The following TOX variants were observed in gnomAD, a reference collection of about 807,000 sequenced individuals.
TOX encodes thymocyte selection associated high mobility group box.
TOX carries 11 observed loss-of-function variants against 53.7 expected under a neutral mutation model. That is an observed-to-expected ratio of 0.20 (90% CI 0.13 to 0.34). TOX has a LOEUF of 0.34. TOX is among the 10% of genes least tolerant of loss of function. The pLI is 1.00. For missense variants in TOX, 570 were observed against 664.6 expected, an observed-to-expected ratio of 0.86 and a Z score of 1.56; for synonymous variants, 225 against 245.3, an observed-to-expected ratio of 0.92 and a Z score of 0.77.
At chr8:59,075,220 A>C (rs567418877) in intron 1 of TOX, among the ~76,000 whole-genome samples, 1 of 152,292 alleles carries the variant, frequency 6.6e-6, no homozygotes, top group East Asian at 1.9e-4. Context: ...GTCGGCCTGA[A>C]AACATCTGTG....
At chr8:59,042,897 C>G (rs988973782) in intron 1 of TOX, among the ~76,000 whole-genome samples, 1 of 151,866 alleles carries the variant, frequency 6.6e-6, no homozygotes, top group African/African-American at 2.4e-5. Context: ...AATGACTGAT[C>G]AAGTTGATCA....
rs199962273 is a variant in TOX, at chr8:58,998,601, T to TTATATATAATAAATTTA, written c.103-38594_103-38593insTAAATTTATTATATATA. 2.1e-4 allele frequency among the ~76,000 whole-genome samples: 20 copies of TTATATATAATAAATTTA among 95,304 alleles called. No homozygotes were observed. The South Asian group carries it at 3.0e-3, about 14-fold the overall frequency. 62.5% of individuals were successfully genotyped at this position (95,304 alleles called of 152,430 possible). A position where few individuals can be genotyped will look rare whatever the true frequency, so the allele number is the denominator to read the frequency against. The stretch of plus-strand genomic sequence containing the variant: ...TATAATAAATTTATATGTAATAAAT[T>TTATATATAATAAATTTA]TATGTAATAAATTTATATAATAATA... On this transcript the variant is annotated intron_variant, in intron 1 of 8. Coordinates refer to ENST00000361421, the MANE Select transcript of TOX (RefSeq NM_014729.3).
chr8:59,072,610 T>C (rs1462199362), intron 1 of TOX, among the ~76,000 whole-genome samples: 6 of 152,358 alleles, frequency 3.9e-5, no homozygotes, highest in African/African-American at 1.4e-4. Flanking sequence ...TAGTTGCATT[T>C]CACAGAAATG....
chr8:58,849,537 A>G (rs894765411), intron 4 of TOX, among the ~76,000 whole-genome samples: 1 of 152,174 alleles, frequency 6.6e-6, no homozygotes, highest in African/African-American at 2.4e-5. Context: ...ATATGGACCT[A>G]ACAGGTTAAT....
intron 1 of TOX, among the ~76,000 whole-genome samples, chr8:58,986,484 G>A (rs1199226496): frequency 6.6e-6 from 1 of 152,160 alleles, no homozygotes; most frequent in African/African-American, 2.4e-5. Flanking sequence ...GGAAGTGATT[G>A]GAGGGATGTG....
rs574091126 is a variant in TOX, at chr8:59,060,555, A to G, written c.102+58331T>C. 3.3e-5 allele frequency among the ~76,000 whole-genome samples: 5 copies of G among 152,332 alleles called. No individual in the cohort carries two copies. In the South Asian group the frequency reaches 1.0e-3, roughly 32 times the overall value. On this transcript the variant is annotated intron_variant, in intron 1 of 8. Coordinates refer to ENST00000361421, the MANE Select transcript of TOX (RefSeq NM_014729.3). ...GGCAGGAGAATTGCTTGAACCCAGG[A>G]GGCGGAGCTTGCGGTGAGCCAAGAT...
chr8:58,914,295 G>A (rs2129174230), intron 3 of TOX, among the ~76,000 whole-genome samples: 1 of 152,290 alleles, frequency 6.6e-6, no homozygotes, highest in East Asian at 1.9e-4. Context: ...TTTGCCTAGT[G>A]AGCCATGTAA....
intron 3 of TOX, among the ~76,000 whole-genome samples, chr8:58,890,058 G>A (rs1811534588): frequency 6.6e-6 from 1 of 152,090 alleles, no homozygotes; most frequent in Admixed American, 6.6e-5. Context: ...GAAAAGTGAG[G>A]TGTAATCATT....
intron 1 of TOX, among the ~76,000 whole-genome samples, chr8:59,014,682 T>C (rs1332472821): frequency 6.6e-6 from 1 of 152,232 alleles, no homozygotes; most frequent in East Asian, 1.9e-4. Context: ...TTAAGAGTCA[T>C]CTGGAGTACC....
intron 1 of TOX, among the ~76,000 whole-genome samples, chr8:58,998,568 A>AATTT (rs1554537374): frequency 0.01 from 872 of 86,926 alleles, 64 homozygotes; most frequent in Middle Eastern, 0.054. Context: ...TTATGTAATA[A>AATTT]ATGTATATAT....
chr8:59,101,163 T>C (rs1047774871), intron 1 of TOX, among the ~76,000 whole-genome samples: 2 of 152,200 alleles, frequency 1.3e-5, no homozygotes, highest in African/African-American at 4.8e-5. Flanking sequence ...TAATAGTATT[T>C]AGGTCAAATA....
At chr8:58,892,131 G>T (rs1811569549) in intron 3 of TOX, among the ~76,000 whole-genome samples, 1 of 152,126 alleles carries the variant, frequency 6.6e-6, no homozygotes, top group Non-Finnish European at 1.5e-5. Context: ...ATTGACTGTT[G>T]TTATAATTGC....
At chr8:59,049,096 G>T (rs375199018) in intron 1 of TOX, among the ~76,000 whole-genome samples, 1 of 131,186 alleles carries the variant, frequency 7.6e-6, no homozygotes, top group African/African-American at 2.7e-5. Context: ...TATTTGGCCC[G>T]GTAATGAAAA....
At chr8:58,845,487 G>A (rs931603201) in intron 4 of TOX, among the ~76,000 whole-genome samples, 3 of 152,034 alleles carry the variant, frequency 2.0e-5, no homozygotes, top group African/African-American at 7.2e-5. Context: ...TGGAAAGTAA[G>A]TCATCTAGTT....
At chr8:59,104,381 C>G (rs978651823) in intron 1 of TOX, among the ~76,000 whole-genome samples, 1 of 152,180 alleles carries the variant, frequency 6.6e-6, no homozygotes, top group African/African-American at 2.4e-5. Flanking sequence ...TAGACTCCCC[C>G]TCGGAGAGCC....
At chr8:59,079,209 C>T (rs976761050) in intron 1 of TOX, among the ~76,000 whole-genome samples, 1 of 152,050 alleles carries the variant, frequency 6.6e-6, no homozygotes, top group Non-Finnish European at 1.5e-5. Flanking sequence ...GGCCATGGAG[C>T]AGAGAAAGAA....
chr8:58,836,977 A>T (rs191494198), intron 5 of TOX, among the ~76,000 whole-genome samples: 2 of 152,332 alleles, frequency 1.3e-5, no homozygotes, highest in East Asian at 3.9e-4. Context: ...TTTGGGTAAT[A>T]ATTTCCCTGT....
intron 4 of TOX, among the ~76,000 whole-genome samples, chr8:58,846,967 T>G (rs993348058): frequency 2.0e-5 from 3 of 152,180 alleles, no homozygotes; most frequent in African/African-American, 7.2e-5. Context: ...AAATCTCTTG[T>G]GTTCATTCAC....
chr8:58,932,059 T>C (rs1405280445), intron 3 of TOX, among the ~76,000 whole-genome samples: 1 of 152,180 alleles, frequency 6.6e-6, no homozygotes, highest in Admixed American at 6.5e-5. Flanking sequence ...GTCTGTTTTG[T>C]GCAAACAAAG....
Sources: gnomAD v4.1 joint callset for allele counts (sites outside exome capture counted in the v4.1 genomes callset) on GRCh38, gnomAD v4.1.1 for gene constraint, MANE v1.5 for transcripts, NCBI Gene and HGNC (gene_info 2026-07-23, HGNC 2026-07-21) for gene names.